LDLRAD3: variants seen among roughly 807,000 people sequenced by gnomAD.
LDLRAD3 encodes low-density lipoprotein receptor class A domain-containing protein 3.
A neutral mutation model predicts 29.4 loss-of-function variants in LDLRAD3; 20 were observed. The ratio of observed to expected loss-of-function variants is 0.68; its 90% CI spans 0.48 to 0.99. The LOEUF is 0.99. Among genes scored for constraint, LDLRAD3 ranks in the 50% least tolerant of loss-of-function variants. The pLI, the probability that LDLRAD3 is intolerant of heterozygous loss-of-function variation, is 0.00. For missense variants in LDLRAD3, 420 were observed against 454.3 expected (o/e 0.92, Z 0.69); for synonymous variants, 157 against 192.7 (o/e 0.81, Z 1.53).
At chr11:36,193,686 T>C (rs1222769085) in intron 4 of LDLRAD3, among the ~76,000 whole-genome samples, 1 of 152,160 alleles carries the variant, frequency 6.6e-6, no homozygotes, top group Non-Finnish European at 1.5e-5. Context: ...ACCCACTTCT[T>C]TCAAAAATTC....
intron 4 of LDLRAD3, among the ~76,000 whole-genome samples, chr11:36,202,044 CT>C (rs11336380): frequency 0.057 from 7,717 of 136,500 alleles, 640 homozygotes; most frequent in African/African-American, 0.19. Context: ...CTGGGGACAT[CT>C]TTTTTTTTTT....
intron 1 of LDLRAD3, among the ~76,000 whole-genome samples, chr11:36,033,554 C>CT (rs1402449648): frequency 1.3e-5 from 2 of 152,242 alleles, no homozygotes; most frequent in African/African-American, 4.8e-5. Flanking sequence ...CTTGGAGGAG[C>CT]TAACTCTACA....
chr11:36,177,156 C>T (rs1027781157), intron 4 of LDLRAD3, among the ~76,000 whole-genome samples: 1 of 151,938 alleles, frequency 6.6e-6, no homozygotes. Context: ...CTTTTATTTC[C>T]AGAAGTTGTA....
chr11:35,991,555 G>T (rs948888726), intron 1 of LDLRAD3, among the ~76,000 whole-genome samples: 1 of 152,134 alleles, frequency 6.6e-6, no homozygotes, highest in East Asian at 1.9e-4. Flanking sequence ...TTATTCCTTA[G>T]ATTTCACAAA....
intron 4 of LDLRAD3, among the ~76,000 whole-genome samples, chr11:36,214,175 G>T (rs1432517173): frequency 6.6e-6 from 1 of 152,196 alleles, no homozygotes; most frequent in African/African-American, 2.4e-5. Context: ...AGAGAAGGAG[G>T]CAGTGAGAGA....
At position 36,001,355 on chromosome 11, in the gene LDLRAD3, C is replaced by T. The variant is rs183976498; in HGVS notation, c.47-34748C>T. ...CTCCTAATGCTATCCCTCCCCGCTC[C>T]CCCAAGTCTGTGTTCTTGATATGTA... On this transcript the variant is annotated intron_variant, in intron 1 of 5. Coordinates refer to ENST00000315571, the MANE Select transcript of LDLRAD3 (RefSeq NM_174902.4). Among the ~76,000 whole-genome samples, 433 of 152,300 alleles carry T rather than the reference C, an allele frequency of 2.8e-3. 1 individual carries two copies. The highest frequency in any genetic ancestry group is 4.2e-3 in the Non-Finnish European group (289 of 68,040).
At chr11:36,019,477 A>G (rs1014488287) in intron 1 of LDLRAD3, among the ~76,000 whole-genome samples, 1 of 152,196 alleles carries the variant, frequency 6.6e-6, no homozygotes, top group Non-Finnish European at 1.5e-5. Context: ...GCCACCTTCC[A>G]TATAGGTAGA....
intron 4 of LDLRAD3, among the ~76,000 whole-genome samples, chr11:36,127,767 G>A (rs1170688658): frequency 1.3e-5 from 2 of 152,112 alleles, no homozygotes; most frequent in Admixed American, 6.6e-5. Context: ...GGCTCAGAGA[G>A]GTTAAGTGAC....
chr11:36,089,202 A>C (rs1853240584), intron 3 of LDLRAD3, among the ~76,000 whole-genome samples: 1 of 152,200 alleles, frequency 6.6e-6, no homozygotes, highest in African/African-American at 2.4e-5. Context: ...GTTACTGAGC[A>C]CTTACCTTGT....
In LDLRAD3 at chr11:36,025,684, C is replaced by T. The variant is rs537068091; in HGVS notation, c.47-10419C>T. On this transcript the variant is annotated intron_variant, in intron 1 of 5. Transcript: ENST00000315571. The stretch of plus-strand genomic sequence containing the variant: ...GATTACAGGTGTGAGCCACCGCGCC[C>T]GGCCCAGATTTTTTTTTAAGACAAA... Among the ~76,000 whole-genome samples, 8 of 151,806 alleles carry T rather than the reference C, an allele frequency of 5.3e-5. No homozygotes were observed. In the South Asian group the frequency reaches 1.5e-3, roughly 28 times the overall value.
chr11:36,220,422 C>T (rs1017194115), intron 4 of LDLRAD3, among the ~76,000 whole-genome samples: 1 of 152,210 alleles, frequency 6.6e-6, no homozygotes. Flanking sequence ...AGTACCCTCC[C>T]TCATCTGGGG....
chr11:36,119,377 G>A (rs889978901), intron 4 of LDLRAD3, among the ~76,000 whole-genome samples: 1 of 152,120 alleles, frequency 6.6e-6, no homozygotes, highest in Non-Finnish European at 1.5e-5. Context: ...TAACTCTGAG[G>A]AACTGCTTTC....
In LDLRAD3 at chr11:36,213,511, G is replaced by C. The variant is rs1057240134; in HGVS notation, c.455-13574G>C. ...ATGCTTTTTTTAGACAGGAAAGTCA[G>C]GGTGGATGTGGGGATGCCCTTGGTT... On this transcript the variant is annotated intron_variant, in intron 4 of 5. Transcript: ENST00000315571. This position sits in a 1 kb window ranked among gnomAD's most constrained non-coding sequence, Gnocchi z 4.1. Among the ~76,000 whole-genome samples the C allele has an allele frequency of 3.9e-5, 6 of 152,250 alleles. No individual in the cohort carries two copies. The highest frequency in any genetic ancestry group is 2.0e-4 in the Admixed American group (3 of 15,290).
chr11:36,096,209 A>C (rs1853358505), intron 3 of LDLRAD3, among the ~76,000 whole-genome samples: 1 of 152,222 alleles, frequency 6.6e-6, no homozygotes, highest in Admixed American at 6.5e-5. Flanking sequence ...GTTAAAATAA[A>C]AAAGTCTTCA....
rs186144743 is a variant in LDLRAD3, at chr11:36,013,128, T to C, written c.47-22975T>C. Among the ~76,000 whole-genome samples the C allele has an allele frequency of 2.3e-4, 35 of 152,368 alleles. No homozygotes were observed. In the East Asian group the frequency reaches 6.5e-3, roughly 28 times the overall value. ...TTTTCCAAATATCGCTGAGTGTTCT[T>C]ATCTCTTGTCCTTTGAGCAGTACTG... On this transcript the variant is annotated intron_variant, in intron 1 of 5. Transcript: ENST00000315571.
chr11:36,039,608 A>G (rs1280848125), intron 2 of LDLRAD3, among the ~76,000 whole-genome samples: 1 of 152,172 alleles, frequency 6.6e-6, no homozygotes, highest in Non-Finnish European at 1.5e-5. Flanking sequence ...TGTATCAACT[A>G]TTTTATTTGG....
intron 2 of LDLRAD3, among the ~76,000 whole-genome samples, chr11:36,048,871 C>T (rs575452902): frequency 5.6e-4 from 85 of 152,290 alleles, no homozygotes; most frequent in Non-Finnish European, 8.5e-4. Context: ...GGTATGGAGT[C>T]GTCTTAAAGT....
chr11:36,013,962 T>A (rs1389944277), intron 1 of LDLRAD3, among the ~76,000 whole-genome samples: 2 of 152,000 alleles, frequency 1.3e-5, no homozygotes, highest in African/African-American at 4.8e-5. Flanking sequence ...GCACACCCCC[T>A]TTTTTTTCCT....
chr11:36,231,299 A>AAAAAG lies in LDLRAD3; in HGVS notation c.*1905_*1906insAGAAA, dbSNP rs1855572987. The AAAAAG allele has an allele frequency of 1.3e-5, 2 of 152,134 alleles. No individual in the cohort carries two copies. The highest frequency in any genetic ancestry group is 4.8e-5 in the African/African-American group (2 of 41,440). 9.4% of individuals were successfully genotyped at this position (152,134 alleles called of 1,614,324 possible). The stretch of plus-strand genomic sequence containing the variant: ...TGGTATTTTGTTTTGTTTAAAAAAA[A>AAAAAG]AAAGAAAGAAAGAAAGAAAGAAAAA... On this transcript the variant is annotated 3_prime_UTR_variant, in exon 6 of 6. Coordinates refer to ENST00000315571, the MANE Select transcript of LDLRAD3 (RefSeq NM_174902.4).
Sources: allele counts gnomAD v4.1 joint callset (sites outside exome capture counted in the v4.1 genomes callset), GRCh38; gene constraint gnomAD v4.1.1; non-coding constraint Gnocchi (gnomAD v3.1); transcripts MANE v1.5; gene names NCBI Gene and HGNC (gene_info 2026-07-23, HGNC 2026-07-21).